The following TAFA4 variants were observed in gnomAD, a reference collection of about 807,000 sequenced individuals.
TAFA4 encodes TAFA chemokine like family member 4.
A neutral mutation model predicts 21.1 loss-of-function variants in TAFA4; 20 were observed. The ratio of observed to expected loss-of-function variants is 0.95; its 90% CI spans 0.67 to 1.38. The LOEUF is 1.38. TAFA4 is among the 40% of genes most tolerant of loss of function. The pLI is 0.00. For synonymous variants in TAFA4, 71 were observed against 67.4 expected (o/e 1.05, Z -0.26); for missense variants, 211 against 180.9 (o/e 1.17, Z -0.95).
chr3:68,861,758 G>A (rs1442365653), intron 3 of TAFA4, among the ~76,000 whole-genome samples: 1 of 151,962 alleles, frequency 6.6e-6, no homozygotes, highest in Non-Finnish European at 1.5e-5. Context: ...TCCACAAGCA[G>A]GGAGAAAAGG....
chr3:68,894,969 C>A (rs2089772914), intron 1 of TAFA4, among the ~76,000 whole-genome samples: 1 of 152,130 alleles, frequency 6.6e-6, no homozygotes, highest in African/African-American at 2.4e-5. Context: ...ATTCTCCTGC[C>A]TCTTCTCCCA....
chr3:68,890,403 C>T (rs1307336916), intron 1 of TAFA4, among the ~76,000 whole-genome samples: 1 of 152,112 alleles, frequency 6.6e-6, no homozygotes, highest in Non-Finnish European at 1.5e-5. Context: ...TGATTGAGAG[C>T]TTATTGCCAA....
At chr3:68,830,393 G>T (rs1384671190) in intron 3 of TAFA4, among the ~76,000 whole-genome samples, 1 of 150,890 alleles carries the variant, frequency 6.6e-6, no homozygotes, top group Non-Finnish European at 1.5e-5. Flanking sequence ...TTGTGTCTTT[G>T]TTCTCATTGG....
intron 3 of TAFA4, among the ~76,000 whole-genome samples, chr3:68,823,990 A>C (rs1704169440): frequency 6.6e-6 from 1 of 152,178 alleles, no homozygotes. Context: ...AATTATGAGA[A>C]GGGTCCATCA....
chr3:68,819,534 T>C (rs1400790991), intron 3 of TAFA4, among the ~76,000 whole-genome samples: 2 of 152,178 alleles, frequency 1.3e-5, no homozygotes, highest in Admixed American at 6.5e-5. Flanking sequence ...AACTCATGGA[T>C]TGTATTTGCA....
intron 3 of TAFA4, among the ~76,000 whole-genome samples, chr3:68,782,771 A>G (rs1332741938): frequency 6.6e-6 from 1 of 152,200 alleles, no homozygotes; most frequent in Non-Finnish European, 1.5e-5. Flanking sequence ...AGCAGTTTAA[A>G]GCATATGAGA....
At chr3:68,897,385 G>T (rs2089802290) in intron 1 of TAFA4, among the ~76,000 whole-genome samples, 1 of 144,958 alleles carries the variant, frequency 6.9e-6, no homozygotes, top group Admixed American at 7.2e-5. Context: ...CTAGCACTTT[G>T]GGAGGCCAAG....
chr3:68,836,957 C>T (rs1005147212), intron 3 of TAFA4, among the ~76,000 whole-genome samples: 10 of 152,202 alleles, frequency 6.6e-5, no homozygotes, highest in African/African-American at 1.4e-4. Context: ...TGATGATAAT[C>T]GGTATAGTTC....
At chr3:68,889,648 T>C (rs1271436931) in intron 1 of TAFA4, among the ~76,000 whole-genome samples, 1 of 152,178 alleles carries the variant, frequency 6.6e-6, no homozygotes, top group Non-Finnish European at 1.5e-5. Flanking sequence ...TACCAGTTCC[T>C]CTTAAAATTG....
intron 1 of TAFA4, among the ~76,000 whole-genome samples, chr3:68,912,362 C>T (rs2089967842): frequency 6.6e-6 from 1 of 152,168 alleles, no homozygotes; most frequent in South Asian, 2.1e-4. Context: ...GATTAAAAGA[C>T]TGCTGCAACT....
At chr3:68,792,092 T>A (rs767725755) in intron 3 of TAFA4, among the ~76,000 whole-genome samples, 9 of 152,196 alleles carry the variant, frequency 5.9e-5, no homozygotes, top group Non-Finnish European at 1.0e-4. Flanking sequence ...TATTAAACAA[T>A]CTAATTGTTC....
At chr3:68,880,917 G>A (rs1014041972) in intron 2 of TAFA4, 72 bp from the exon 3 acceptor site, 117 of 1,202,210 alleles carry the variant, frequency 9.7e-5, no homozygotes, top group Non-Finnish European at 1.2e-4. Context: ...ACCATTCTAG[G>A]AAGGCGGGAG....
At chr3:68,780,449 T>G (rs1703134056) in intron 3 of TAFA4, among the ~76,000 whole-genome samples, 1 of 152,154 alleles carries the variant, frequency 6.6e-6, no homozygotes, top group Admixed American at 6.5e-5. Flanking sequence ...AGGGACCCTG[T>G]GGGAGGTAAT....
intron 3 of TAFA4, among the ~76,000 whole-genome samples, chr3:68,835,975 C>G (rs1704513932): frequency 1.3e-5 from 2 of 152,160 alleles, no homozygotes; most frequent in Admixed American, 6.5e-5. Context: ...TGTTGAAGAA[C>G]TGTGCGCAAA....
intron 3 of TAFA4, 78 bp from the exon 4 acceptor site, chr3:68,753,096 T>C: frequency 7.2e-7 from 1 of 1,388,432 alleles, no homozygotes. Flanking sequence ...AATGATGCTA[T>C]GATGACATTT....
At chr3:68,735,668 GA>G (rs1702229280) in intron 5 of TAFA4, among the ~76,000 whole-genome samples, 1 of 151,938 alleles carries the variant, frequency 6.6e-6, no homozygotes, top group African/African-American at 2.4e-5. Context: ...AGATACTGAA[GA>G]CAAAACTGTT....
intron 3 of TAFA4, among the ~76,000 whole-genome samples, chr3:68,806,697 C>G (rs1483349708): frequency 6.6e-6 from 1 of 152,026 alleles, no homozygotes; most frequent in Admixed American, 6.6e-5. Context: ...TAGATGAGGT[C>G]ATGAGGATAG....
At chr3:68,822,656 G>A (rs1485645693) in intron 3 of TAFA4, among the ~76,000 whole-genome samples, 1 of 152,098 alleles carries the variant, frequency 6.6e-6, no homozygotes, top group African/African-American at 2.4e-5. Context: ...CTTTTGTAGA[G>A]ATGGAGTTTA....
intron 3 of TAFA4, among the ~76,000 whole-genome samples, chr3:68,837,873 T>A (rs991668249): frequency 6.6e-6 from 1 of 152,138 alleles, no homozygotes; most frequent in African/African-American, 2.4e-5. Context: ...ATCTGTTTTT[T>A]ATTATTTAAT....
Sources: allele counts gnomAD v4.1 joint callset (sites outside exome capture counted in the v4.1 genomes callset), GRCh38; gene constraint gnomAD v4.1.1; transcripts MANE v1.5; gene names NCBI Gene and HGNC (gene_info 2026-07-23, HGNC 2026-07-21).